ESRRG: variants seen among roughly 807,000 people sequenced by gnomAD.
ESRRG encodes the protein estrogen-related receptor gamma.
In ESRRG, 13 loss-of-function variants were observed where a neutral mutation model predicts 44.0. The observed-to-expected ratio is 0.30, with a 90% confidence interval of 0.19 to 0.47. The LOEUF (loss-of-function observed/expected upper bound fraction) is 0.47. Ranked by LOEUF, ESRRG falls within the 20% of genes least tolerant of loss-of-function variation. The pLI is 1.00. For missense variants in ESRRG, 395 were observed against 580.6 expected, an observed-to-expected ratio of 0.68 and a Z score of 3.29; for synonymous variants, 215 against 214.6, an observed-to-expected ratio of 1.00 and a Z score of -0.02.
intron 1 of ESRRG, among the ~76,000 whole-genome samples, chr1:216,990,072 C>A (rs1026782069): frequency 1.3e-5 from 2 of 150,814 alleles, no homozygotes; most frequent in Non-Finnish European, 3.0e-5. Flanking sequence ...TCTTTAGAGT[C>A]AAAAAAAAAT....
At chr1:216,895,579 T>C (rs900751374) in intron 2 of ESRRG, among the ~76,000 whole-genome samples, 1 of 152,154 alleles carries the variant, frequency 6.6e-6, no homozygotes, top group Admixed American at 6.5e-5. Context: ...CAAGTTCCAA[T>C]AAACTAAAGG....
At chr1:216,929,979 T>G (rs1192919525) in intron 2 of ESRRG, among the ~76,000 whole-genome samples, 1 of 152,114 alleles carries the variant, frequency 6.6e-6, no homozygotes, top group East Asian at 1.9e-4. Flanking sequence ...ACTCTTACCT[T>G]ATCTAAGTTA....
intron 2 of ESRRG, among the ~76,000 whole-genome samples, chr1:216,875,997 C>A (rs1239700901): frequency 6.6e-6 from 1 of 152,142 alleles, no homozygotes; most frequent in Non-Finnish European, 1.5e-5. Flanking sequence ...AATGACAATG[C>A]TCCCTAGACT....
At chr1:216,742,856 A>G (rs1319036247) in intron 2 of ESRRG, among the ~76,000 whole-genome samples, 1 of 150,866 alleles carries the variant, frequency 6.6e-6, no homozygotes, top group Non-Finnish European at 1.5e-5. Flanking sequence ...CTCCCAGACA[A>G]TTAAAAAAAC....
At chr1:216,738,423 G>A (rs1016641524) in intron 2 of ESRRG, among the ~76,000 whole-genome samples, 1 of 152,140 alleles carries the variant, frequency 6.6e-6, no homozygotes, top group Non-Finnish European at 1.5e-5. Flanking sequence ...ATGAAGAGCT[G>A]AGTATAATGT....
intron 2 of ESRRG, among the ~76,000 whole-genome samples, chr1:216,787,739 A>C (rs2094179527): frequency 6.6e-6 from 1 of 152,126 alleles, no homozygotes; most frequent in Non-Finnish European, 1.5e-5. Context: ...AAACCAAGAT[A>C]GGCCATAAGC....
intron 1 of ESRRG, among the ~76,000 whole-genome samples, chr1:216,994,012 C>G (rs1244997548): frequency 6.6e-6 from 1 of 152,176 alleles, no homozygotes; most frequent in Non-Finnish European, 1.5e-5. Flanking sequence ...TGAATCATCT[C>G]TTTCATTCTC....
At chr1:216,983,974 G>T (rs2074436730) in intron 1 of ESRRG, among the ~76,000 whole-genome samples, 1 of 149,724 alleles carries the variant, frequency 6.7e-6, no homozygotes, top group Non-Finnish European at 1.5e-5. Flanking sequence ...CCTTGCTGTG[G>T]TCACAGAAGA....
At chr1:216,828,804 T>A (rs1407953742) in intron 2 of ESRRG, among the ~76,000 whole-genome samples, 1 of 96,586 alleles carries the variant, frequency 1.0e-5, no homozygotes, top group African/African-American at 3.8e-5. Context: ...AACCCATATG[T>A]CCTCTGCTAG....
At chr1:217,130,883 C>A (rs2092955563) in intron 1 of ESRRG, among the ~76,000 whole-genome samples, 1 of 121,498 alleles carries the variant, frequency 8.2e-6, no homozygotes, top group Non-Finnish European at 1.7e-5. Context: ...GAAGAAATGC[C>A]TTTTATTGTC....
chr1:216,612,252 A>G lies in ESRRG; in HGVS notation c.589+38721T>C, dbSNP rs535763340. 9.2e-5 allele frequency among the ~76,000 whole-genome samples: 14 copies of G among 152,246 alleles called. No homozygotes were observed. In the East Asian group the frequency reaches 2.7e-3, roughly 29 times the overall value. Reference sequence around the variant, plus strand: ...TTAGTAACTGAAGAGATGTAGGGAGAAGGAAAAGGATGAATTCCAGGATGT... The same window carrying G: ...TTAGTAACTGAAGAGATGTAGGGAGGAGGAAAAGGATGAATTCCAGGATGT... On this transcript the variant is annotated intron_variant, in intron 3 of 6. Coordinates refer to ENST00000408911, the MANE Select transcript of ESRRG (RefSeq NM_001438.4).
intron 1 of ESRRG, among the ~76,000 whole-genome samples, chr1:216,996,947 GA>G (rs1164482895): frequency 1.3e-5 from 2 of 151,586 alleles, no homozygotes; most frequent in Non-Finnish European, 2.9e-5. Flanking sequence ...CATAATCTGT[GA>G]AAAAAAATCA....
At chr1:216,795,300 A>C (rs1428579581) in intron 2 of ESRRG, among the ~76,000 whole-genome samples, 2 of 151,594 alleles carry the variant, frequency 1.3e-5, no homozygotes, top group Non-Finnish European at 2.9e-5. Flanking sequence ...AAATACATTA[A>C]ATTTTATTTT....
intron 2 of ESRRG, among the ~76,000 whole-genome samples, chr1:216,884,860 T>C (rs2096494221): frequency 6.6e-6 from 1 of 152,226 alleles, no homozygotes. Flanking sequence ...TACAGCAGTA[T>C]GTAAAGAGGC....
At chr1:216,828,743 G>C (rs959898065) in intron 2 of ESRRG, among the ~76,000 whole-genome samples, 4 of 152,136 alleles carry the variant, frequency 2.6e-5, no homozygotes, top group African/African-American at 9.7e-5. Flanking sequence ...GAAACCAAAG[G>C]CTATATTTCA....
intron 2 of ESRRG, among the ~76,000 whole-genome samples, chr1:216,779,351 A>ATAT (rs1350890442): frequency 1.6e-3 from 98 of 62,906 alleles, no homozygotes; most frequent in Middle Eastern, 0.016. Flanking sequence ...ATAAACATAA[A>ATAT]ATATTTATAT....
chr1:216,982,092 A>G (rs945428805), intron 1 of ESRRG, among the ~76,000 whole-genome samples: 1 of 152,144 alleles, frequency 6.6e-6, no homozygotes, highest in African/African-American at 2.4e-5. Context: ...TCTTTCCCCA[A>G]AATGCCAGGA....
intron 2 of ESRRG, among the ~76,000 whole-genome samples, chr1:216,660,955 G>A (rs1408863672): frequency 2.7e-5 from 4 of 148,532 alleles, no homozygotes; most frequent in Non-Finnish European, 6.0e-5. Context: ...TAATGTTCTT[G>A]TTCCTGATGG....
rs2150344676 is a variant in ESRRG, at chr1:216,976,355, C to A, written c.-105-36682G>T. 2.0e-5 allele frequency among the ~76,000 whole-genome samples: 3 copies of A among 151,650 alleles called. 1 individual carries two copies. The South Asian group carries it at 6.3e-4, about 32-fold the overall frequency. Reference sequence around the variant, plus strand: ...AAATGATTACTCCTCTTCCCTCATCCACTCCAACCTCCATAGCTTAAAATA... The same window carrying A: ...AAATGATTACTCCTCTTCCCTCATCAACTCCAACCTCCATAGCTTAAAATA... On this transcript the variant is annotated intron_variant, in intron 1 of 7. Coordinates refer to the ESRRG transcript ENST00000359162.
Sources: gnomAD v4.1 joint callset for allele counts (sites outside exome capture counted in the v4.1 genomes callset) on GRCh38, gnomAD v4.1.1 for gene constraint, MANE v1.5 for transcripts, NCBI Gene and HGNC (gene_info 2026-07-23, HGNC 2026-07-21) for gene names.